The following KCNH2 variants were observed in gnomAD, a reference collection of about 807,000 sequenced individuals.
KCNH2 encodes the protein potassium voltage-gated channel subfamily H member 2.
In KCNH2, 35 loss-of-function variants were observed where a neutral mutation model predicts 95.9. That is an observed-to-expected ratio of 0.37 (90% CI 0.28 to 0.48). KCNH2 has a LOEUF of 0.48. Among genes scored for constraint, KCNH2 ranks in the 20% least tolerant of loss-of-function variants. The pLI, the probability that KCNH2 is intolerant of heterozygous loss-of-function variation, is 0.99. For missense variants in KCNH2, 1,274 were observed against 1,702.9 expected (o/e 0.75, Z 4.43); for synonymous variants, 786 against 754.7 (o/e 1.04, Z -0.68).
In KCNH2 at chr7:150,947,666, C is replaced by CCGG; in HGVS notation, c.2902_2904dup (p.Pro968dup). On this transcript the variant is annotated inframe_insertion, in exon 12 of 15. Transcript: ENST00000262186. ...CAGTCCTCCATCAGGGGCTCCCCAC[C>CCGG]CGGCGGCTCTCCGGGGGGCCTGGGG... 1 of 1,608,778 alleles carries CCGG rather than the reference C, an allele frequency of 6.2e-7. No homozygotes were observed. The highest frequency in any genetic ancestry group is 8.5e-7 in the Non-Finnish European group (1 of 1,177,954).
chr7:150,946,061 T>C lies in KCNH2; in HGVS notation c.3331-547A>G, dbSNP rs1001575203. On this transcript the variant is annotated intron_variant, in intron 14 of 14. Transcript: ENST00000262186. This position sits in a 1 kb window ranked among gnomAD's most constrained non-coding sequence, Gnocchi z 6.5. ...GCGGCTGCGAAGGGAGACTGGCACA[T>C]TTGCTGACGTGGGCCCTCGTGTCTG... Among the ~76,000 whole-genome samples the C allele has an allele frequency of 6.6e-6, 1 of 151,986 alleles. No individual in the cohort carries two copies. The highest frequency in any genetic ancestry group is 1.5e-5 in the Non-Finnish European group (1 of 67,998).
At chr7:150,955,404 C>CCA (rs1801331954) in intron 5 of KCNH2, 1 of 1,559,534 alleles carries the variant, frequency 6.4e-7, no homozygotes, top group Non-Finnish European at 8.7e-7. Flanking sequence ...ACCTCCTGGG[C>CCA]CACGAGGCTG....
chr7:150,958,366 C>T lies in KCNH2; in HGVS notation c.609G>A (p.Ala203=). The change falls in exon 4 of 15, where the codon GCG becomes GCA. Residue 203 remains alanine, a synonymous_variant. Transcript: ENST00000262186. Reference sequence around the variant, plus strand: ...GGGCCAGCGACTCGCTGCTGGGTGCCGCGGGCGTCAGGTCCACGTCCACCA... The same window carrying T: ...GGGCCAGCGACTCGCTGCTGGGTGCTGCGGGCGTCAGGTCCACGTCCACCA... ...AVVVDVDLTP[A]APSSESLALD... is the part of the protein sequence containing the mutation. 1.3e-6 allele frequency: 2 copies of T among 1,482,792 alleles called. No homozygotes were observed. The highest frequency in any genetic ancestry group is 1.8e-6 in the Non-Finnish European group (2 of 1,123,838). The allele number at this position is 1,482,792 out of a possible 1,614,324, so 91.9% of individuals were successfully genotyped here.
chr7:150,968,620 GAGGGTAATGAGA>G (rs1801762455), intron 2 of KCNH2, among the ~76,000 whole-genome samples: 1 of 152,244 alleles, frequency 6.6e-6, no homozygotes, highest in South Asian at 2.1e-4. Context: ...TGCCTATGGG[GAGGGTAATGAGA>G]CTGGAGAGTG....
At chr7:150,960,378 T>A (rs1420686357) in intron 2 of KCNH2, among the ~76,000 whole-genome samples, 1 of 152,258 alleles carries the variant, frequency 6.6e-6, no homozygotes, top group Non-Finnish European at 1.5e-5. Context: ...ATAATTCTTT[T>A]CTCATGAGTT....
At chr7:150,967,053 C>A (rs12540183) in intron 2 of KCNH2, among the ~76,000 whole-genome samples, 2 of 151,890 alleles carry the variant, frequency 1.3e-5, no homozygotes, top group African/African-American at 2.4e-5. Context: ...CCAAGGCGGG[C>A]GGATCACCTG....
chr7:150,948,572 T>C, intron 10 of KCNH2, 29 bp from the exon 11 acceptor site: 3 of 1,564,178 alleles, frequency 1.9e-6, no homozygotes, highest in Non-Finnish European at 2.6e-6. Flanking sequence ...TCAGGGCCCT[T>C]TCAGTGCTCT....
intron 2 of KCNH2, among the ~76,000 whole-genome samples, chr7:150,968,981 C>T (rs558222406): frequency 2.4e-4 from 37 of 152,338 alleles, no homozygotes; most frequent in African/African-American, 8.4e-4. Flanking sequence ...CACCCTCACA[C>T]CCCAAAGTGC....
intron 5 of KCNH2, chr7:150,955,734 C>T (rs1801348958): frequency 7.7e-7 from 1 of 1,300,190 alleles, no homozygotes; most frequent in Admixed American, 3.7e-5. Flanking sequence ...CTGCCCATGG[C>T]CCCGTGGCGT....
intron 5 of KCNH2, among the ~76,000 whole-genome samples, chr7:150,954,383 G>C (rs776454482): frequency 4.6e-5 from 7 of 152,184 alleles, no homozygotes; most frequent in African/African-American, 1.7e-4. Flanking sequence ...TCTGGGCGGA[G>C]GTGTCAGGAC....
intron 13 of KCNH2, 95 bp from the exon 14 acceptor site, chr7:150,947,149 G>C: frequency 1.9e-6 from 2 of 1,067,080 alleles, no homozygotes; most frequent in Non-Finnish European, 2.7e-6. Context: ...GGGAGGGGCA[G>C]CCTGTCAACC....
chr7:150,950,160 C>A lies in KCNH2; in HGVS notation c.2398+8G>T, dbSNP rs1801081029. 3 of 775,136 alleles carry A rather than the reference C, an allele frequency of 3.9e-6. No homozygotes were observed. The South Asian group carries it at 4.0e-5, about 10-fold the overall frequency. The allele number at this position is 775,136 out of a possible 1,614,324, so 48.0% of individuals were successfully genotyped here. A position where few individuals can be genotyped will look rare whatever the true frequency, so the allele number is the denominator to read the frequency against. On this transcript the variant is annotated splice_region_variant and intron_variant, in intron 9 of 14. Coordinates refer to ENST00000262186, the MANE Select transcript of KCNH2 (RefSeq NM_000238.4). The stretch of plus-strand genomic sequence containing the variant: ...TTTCCAGTCCAGTGCCCGCCCCCCA[C>A]CCCATACCCAGGATGGCCACGACGA...
rs41313143 is a variant in KCNH2, at chr7:150,945,175, G to A, written c.*190C>T. The stretch of plus-strand genomic sequence containing the variant: ...ACAGGCCCCACCTACTGCCGGCCCT[G>A]CCCCTGCCCCTCTCACTGGGGCCCA... On this transcript the variant is annotated 3_prime_UTR_variant, in exon 15 of 15. Coordinates refer to ENST00000262186, the MANE Select transcript of KCNH2 (RefSeq NM_000238.4). This position sits in a 1 kb window ranked among gnomAD's most constrained non-coding sequence, Gnocchi z 5.6. 776 of 659,358 alleles carry A rather than the reference G, an allele frequency of 1.2e-3. 1 individual carries two copies. The highest frequency in any genetic ancestry group is 0.011 in the African/African-American group (603 of 55,036). The allele number at this position is 659,358 out of a possible 1,614,324, so 40.8% of individuals were successfully genotyped here.
At chr7:150,949,446 T>C in intron 9 of KCNH2, 1 of 649,154 alleles carries the variant, frequency 1.5e-6, no homozygotes, top group Non-Finnish European at 2.0e-6. Context: ...TGAAAGAACA[T>C]ACAGTAGTAT....
Position 150,952,921 on chromosome 7 carries a change from A to G in KCNH2, c.1129-68T>C, listed in dbSNP as rs1563161822. ...GGACCTCGGGGGCAGGAGCGATGAC[A>G]TCTCTGCCGGGGCCAAGCAGAATGA... On this transcript the variant is annotated intron_variant, in intron 5 of 14. Coordinates refer to ENST00000262186, the MANE Select transcript of KCNH2 (RefSeq NM_000238.4). This position sits in a 1 kb window ranked among gnomAD's most constrained non-coding sequence, Gnocchi z 7.3. 5 of 1,482,388 alleles carry G rather than the reference A, an allele frequency of 3.4e-6. No homozygotes were observed. The East Asian group carries it at 6.8e-5, about 20-fold the overall frequency. The allele number at this position is 1,482,388 out of a possible 1,614,324, so 91.8% of individuals were successfully genotyped here. A position where few individuals can be genotyped will look rare whatever the true frequency, so the allele number is the denominator to read the frequency against.
chr7:150,949,092 G>A (rs147849768), intron 9 of KCNH2, 43 bp from the exon 10 acceptor site: 82 of 1,558,594 alleles, frequency 5.3e-5, no homozygotes, highest in Admixed American at 1.4e-4. Context: ...CCCGGGGGGC[G>A]GCATCCAGGC....
chr7:150,952,922 T>C lies in KCNH2; in HGVS notation c.1129-69A>G, dbSNP rs181335003. On this transcript the variant is annotated intron_variant, in intron 5 of 14. Transcript: ENST00000262186. This position sits in a 1 kb window ranked among gnomAD's most constrained non-coding sequence, Gnocchi z 7.3. ...GACCTCGGGGGCAGGAGCGATGACATCTCTGCCGGGGCCAAGCAGAATGAG... is the reference window on the plus strand; with the variant it reads ...GACCTCGGGGGCAGGAGCGATGACACCTCTGCCGGGGCCAAGCAGAATGAG... The C allele has an allele frequency of 5.4e-5, 80 of 1,474,008 alleles. 1 individual carries two copies. The East Asian group carries it at 1.6e-3, about 29-fold the overall frequency. The allele number at this position is 1,474,008 out of a possible 1,614,324, so 91.3% of individuals were successfully genotyped here.
At chr7:150,975,235 T>C (rs1353835008) in intron 1 of KCNH2, among the ~76,000 whole-genome samples, 1 of 152,062 alleles carries the variant, frequency 6.6e-6, no homozygotes, top group Non-Finnish European at 1.5e-5. Flanking sequence ...TGCCCGAGGC[T>C]GAGGCCAGCC....
At chr7:150,947,296 C>T (rs751648165) in intron 13 of KCNH2, 32 bp downstream of exon 13, 26 of 1,511,364 alleles carry the variant, frequency 1.7e-5, no homozygotes, top group South Asian at 1.4e-4. Flanking sequence ...GACTCCAGGG[C>T]GTGCCCCCCC....
Sources: gnomAD v4.1 joint callset for allele counts (sites outside exome capture counted in the v4.1 genomes callset) on GRCh38, gnomAD v4.1.1 for gene constraint, Gnocchi (gnomAD v3.1) non-coding constraint, MANE v1.5 for transcripts, NCBI Gene and HGNC (gene_info 2026-07-23, HGNC 2026-07-21) for gene names.